SOS2: variants seen among roughly 807,000 people sequenced by gnomAD.
SOS2 encodes son of sevenless homolog 2.
In SOS2, 65 loss-of-function variants were observed where a neutral mutation model predicts 148.2. The ratio of observed to expected loss-of-function variants is 0.44; its 90% CI spans 0.36 to 0.54. SOS2 has a LOEUF of 0.54. Among genes scored for constraint, SOS2 ranks in the 20% least tolerant of loss-of-function variants. SOS2 has a pLI of 0.00. For missense variants in SOS2, 1,341 were observed against 1,590.2 expected, an observed-to-expected ratio of 0.84 and a Z score of 2.67; for synonymous variants, 539 against 537.1, an observed-to-expected ratio of 1.00 and a Z score of -0.05.
At chr14:50,207,796 CTTGGGTGGCTA>C (rs1341609956) in intron 1 of SOS2, among the ~76,000 whole-genome samples, 5 of 150,830 alleles carry the variant, frequency 3.3e-5, no homozygotes, top group Non-Finnish European at 5.9e-5. Flanking sequence ...ATCTTAGCTA[CTTGGGTGGCTA>C]AGGCAGGAGA....
intron 1 of SOS2, among the ~76,000 whole-genome samples, chr14:50,212,752 C>A (rs1886918468): frequency 6.6e-6 from 1 of 152,144 alleles, no homozygotes. Flanking sequence ...GCCCATGTCA[C>A]TGAACAAAAT....
chr14:50,136,086 A>C (rs1003678904), intron 18 of SOS2, among the ~76,000 whole-genome samples: 2 of 152,216 alleles, frequency 1.3e-5, no homozygotes, highest in Admixed American at 1.3e-4. Flanking sequence ...TGCCAATTTC[A>C]AGAAAATTGT....
intron 1 of SOS2, among the ~76,000 whole-genome samples, chr14:50,212,197 C>T (rs1259846261): frequency 6.6e-6 from 1 of 152,226 alleles, no homozygotes; most frequent in Non-Finnish European, 1.5e-5. Flanking sequence ...CAAAACAGGC[C>T]AGGCGCGGTG....
intron 12 of SOS2, among the ~76,000 whole-genome samples, chr14:50,155,640 T>C (rs1384074506): frequency 5.9e-5 from 9 of 152,194 alleles, no homozygotes; most frequent in Non-Finnish European, 2.9e-5. Flanking sequence ...GTTTCATGTG[T>C]CTTTTTCCCC....
At chr14:50,176,436 T>TA (rs1594995226) in intron 7 of SOS2, among the ~76,000 whole-genome samples, 1 of 152,204 alleles carries the variant, frequency 6.6e-6, no homozygotes, top group East Asian at 1.9e-4. Flanking sequence ...ACTTCAAAAT[T>TA]AGTCTACAAG....
intron 1 of SOS2, among the ~76,000 whole-genome samples, chr14:50,227,647 G>A (rs1018305245): frequency 3.3e-5 from 5 of 152,092 alleles, no homozygotes; most frequent in Non-Finnish European, 5.9e-5. Flanking sequence ...GCATGGTCTC[G>A]ATCTCCTGAC....
chr14:50,155,556 T>G (rs1407226695), intron 12 of SOS2, among the ~76,000 whole-genome samples: 2 of 152,142 alleles, frequency 1.3e-5, no homozygotes, highest in Non-Finnish European at 2.9e-5. Context: ...GCCTAATCTT[T>G]GCTATTCCTG....
chr14:50,145,439 T>C (rs1367544021), intron 15 of SOS2, 38 bp downstream of exon 15: 14 of 1,579,600 alleles, frequency 8.9e-6, no homozygotes, highest in African/African-American at 2.7e-5. Context: ...CTTAATATTA[T>C]GGCTATTAGG....
rs886376742 is a variant in SOS2, at chr14:50,132,354, TAA to T, written c.3076-1594_3076-1593del. On this transcript the variant is annotated intron_variant, in intron 19 of 22. Transcript: ENST00000216373. ...CAATATAGCAAGACTCTATTGCCAT[TAA>T]AAAAAAAAAAAAAAAAAAAAAAGGC... Among the ~76,000 whole-genome samples the T allele has an allele frequency of 2.3e-3, 143 of 62,976 alleles. 1 individual carries two copies. Among genetic ancestry groups the T allele is most frequent in the African/African-American group, 8.0e-3 (121 of 15,148 alleles). The allele number at this position is 62,976 out of a possible 152,430, so 41.3% of individuals were successfully genotyped here. A position where few individuals can be genotyped will look rare whatever the true frequency, so the allele number is the denominator to read the frequency against.
At chr14:50,140,102 A>G (rs778374659) in intron 16 of SOS2, 43 bp from the exon 17 acceptor site, 5 of 951,538 alleles carry the variant, frequency 5.3e-6, no homozygotes, top group South Asian at 1.6e-5. Context: ...TTACAATTCA[A>G]TCATATTTTA....
intron 2 of SOS2, among the ~76,000 whole-genome samples, chr14:50,201,589 C>A (rs1481305151): frequency 6.8e-6 from 1 of 146,154 alleles, no homozygotes; most frequent in African/African-American, 2.5e-5. Context: ...ACATAATTTT[C>A]ATGGATAAAA....
chr14:50,173,384 G>A (rs1885429243), intron 8 of SOS2, among the ~76,000 whole-genome samples: 1 of 151,904 alleles, frequency 6.6e-6, no homozygotes, highest in Admixed American at 6.6e-5. Flanking sequence ...TTTATGGAGT[G>A]CTACTACCCA....
intron 1 of SOS2, among the ~76,000 whole-genome samples, chr14:50,205,415 C>T (rs1042878814): frequency 6.6e-6 from 1 of 152,052 alleles, no homozygotes; most frequent in African/African-American, 2.4e-5. Flanking sequence ...AAATAGATAA[C>T]TTGAATAGCC....
intron 19 of SOS2, 143 bp downstream of exon 19, chr14:50,133,980 C>T (rs182891617): frequency 3.1e-6 from 2 of 636,884 alleles, no homozygotes; most frequent in African/African-American, 1.9e-5. Flanking sequence ...TTTCCCCCCC[C>T]AGTTTTAGAA....
intron 7 of SOS2, among the ~76,000 whole-genome samples, chr14:50,174,805 C>T (rs1408442394): frequency 6.6e-6 from 1 of 152,148 alleles, no homozygotes; most frequent in Non-Finnish European, 1.5e-5. Flanking sequence ...TAATCCTCTA[C>T]AGCTTATGTT....
rs1228156300 is a variant in SOS2 at position 50,154,680 on chromosome 14, G to A, written c.2058-1507C>T. 2.0e-5 allele frequency among the ~76,000 whole-genome samples: 3 copies of A among 152,180 alleles called. No individual in the cohort carries two copies. The East Asian group carries it at 5.8e-4, about 29-fold the overall frequency. On this transcript the variant is annotated intron_variant, in intron 12 of 22. Transcript: ENST00000216373. Reference sequence around the variant, plus strand: ...TGATACAAATTCAAAAGCATGTTGAGTGAAAGAAGACACAAAATTGAGTTT... The same window carrying A: ...TGATACAAATTCAAAAGCATGTTGAATGAAAGAAGACACAAAATTGAGTTT...
At chr14:50,141,773 A>C (rs1884297035) in intron 16 of SOS2, among the ~76,000 whole-genome samples, 1 of 152,196 alleles carries the variant, frequency 6.6e-6, no homozygotes, top group African/African-American at 2.4e-5. Context: ...TGATTCTAAA[A>C]TGTATATAGG....
intron 5 of SOS2, 59 bp from the exon 6 acceptor site, chr14:50,182,665 C>G: frequency 7.0e-7 from 1 of 1,430,924 alleles, no homozygotes; most frequent in Non-Finnish European, 9.7e-7. Context: ...TAAAAAATTA[C>G]TAAATATAAA....
intron 14 of SOS2, among the ~76,000 whole-genome samples, 160 bp downstream of exon 14, chr14:50,149,848 G>A (rs956059868): frequency 6.6e-6 from 1 of 152,158 alleles, no homozygotes; most frequent in East Asian, 1.9e-4. Context: ...TTTACTTGCA[G>A]GGCAGACTAG....
Sources: gnomAD v4.1 joint callset for allele counts (sites outside exome capture counted in the v4.1 genomes callset) on GRCh38, gnomAD v4.1.1 for gene constraint, MANE v1.5 for transcripts, NCBI Gene and HGNC (gene_info 2026-07-23, HGNC 2026-07-21) for gene names.